The following PREX2 variants were observed in gnomAD, a reference collection of about 807,000 sequenced individuals.
The protein encoded by PREX2 is phosphatidylinositol-3,4,5-trisphosphate dependent Rac exchange factor 2.
In PREX2, 107 loss-of-function variants were observed where a neutral mutation model predicts 203.2. The ratio of observed to expected loss-of-function variants is 0.53; its 90% CI spans 0.45 to 0.62. The LOEUF (loss-of-function observed/expected upper bound fraction) is 0.62, where lower values mean the gene tolerates loss of function less well. Ranked by LOEUF, PREX2 falls within the 20% of genes least tolerant of loss-of-function variation. The probability of loss-of-function intolerance (pLI) is 0.00; values close to 1 mark genes in which losing one functional copy is unlikely to be tolerated. For synonymous variants in PREX2, 672 were observed against 663.6 expected, an observed-to-expected ratio of 1.01 and a Z score of -0.19; for missense variants, 1,777 against 1,955.9, an observed-to-expected ratio of 0.91 and a Z score of 1.72.
chr8:68,069,052 C>A lies in PREX2; in HGVS notation c.1359C>A (p.Phe453Leu), dbSNP rs757634747. 1.3e-6 allele frequency: 2 copies of A among 1,500,348 alleles called. No homozygotes were observed. Among genetic ancestry groups the A allele is most frequent in the South Asian group, 2.6e-5 (2 of 78,066 alleles). 92.9% of individuals were successfully genotyped at this position (1,500,348 alleles called of 1,614,324 possible). A position where few individuals can be genotyped will look rare whatever the true frequency, so the allele number is the denominator to read the frequency against. The change falls in exon 12 of 40, where the codon TTC becomes TTA. Residue 453 changes from phenylalanine to leucine, a missense_variant. By Grantham distance (22) the Phe-to-Leu change is conservative. Coordinates refer to ENST00000288368, the MANE Select transcript of PREX2 (RefSeq NM_024870.4). ...IIHHVTDKHQ[F>L]KPEQMLYRFR... ...TCTTAGTTACTGATAAACATCAATTCAAACCAGAACAGATGTTATATAGAT... is the reference window on the plus strand; with the variant it reads ...TCTTAGTTACTGATAAACATCAATTAAAACCAGAACAGATGTTATATAGAT...
chr8:68,139,404 A>C (rs192510937), intron 33 of PREX2, among the ~76,000 whole-genome samples: 41 of 152,292 alleles, frequency 2.7e-4, no homozygotes, highest in African/African-American at 8.7e-4. Flanking sequence ...GTTGGCCTGC[A>C]TAGGTGGAGT....
intron 30 of PREX2, among the ~76,000 whole-genome samples, chr8:68,125,930 G>A (rs1297556041): frequency 6.6e-6 from 1 of 151,672 alleles, no homozygotes; most frequent in Non-Finnish European, 1.5e-5. Flanking sequence ...AAACCATTAC[G>A]AGATTCATCT....
At chr8:68,231,244 A>T in intron 39 of PREX2, 89 bp from the exon 40 acceptor site, 2 of 908,224 alleles carry the variant, frequency 2.2e-6, no homozygotes, top group Non-Finnish European at 3.1e-6. Flanking sequence ...ACAAGAAATT[A>T]TCATCAATGT....
At chr8:68,161,593 TC>T (rs1811654661) in intron 35 of PREX2, among the ~76,000 whole-genome samples, 1 of 152,148 alleles carries the variant, frequency 6.6e-6, no homozygotes, top group Admixed American at 6.6e-5. Flanking sequence ...CCGCAAACCT[TC>T]TACAGCTTGC....
At position 68,146,263 on chromosome 8, in the gene PREX2, T is replaced by A. The variant is rs1811323825; in HGVS notation, c.4142T>A (p.Phe1381Tyr). Residue 1381 changes from phenylalanine (F) to tyrosine (Y), a missense_variant, in exon 34 of 40, where the codon TTC becomes TAC. Phe to Tyr is a conservative substitution (Grantham distance 22, BLOSUM62 3). Transcript: ENST00000288368. ...EGSRQALKVYFYIDSYHFEQL... is the reference protein window; with the variant it reads ...EGSRQALKVYYYIDSYHFEQL... ...AGTCGGCAAGCTCTGAAAGTTTACTTCTACATTGATAGTTATCATTTTGAA... is the reference window on the plus strand; with the variant it reads ...AGTCGGCAAGCTCTGAAAGTTTACTACTACATTGATAGTTATCATTTTGAA... 6.2e-7 allele frequency: 1 copy of A among 1,612,284 alleles called. No individual in the cohort carries two copies. Among genetic ancestry groups the A allele is most frequent in the African/African-American group, 1.3e-5 (1 of 74,954 alleles).
chr8:67,998,747 G>C (rs1320951974), intron 1 of PREX2, among the ~76,000 whole-genome samples: 1 of 152,182 alleles, frequency 6.6e-6, no homozygotes, highest in Admixed American at 6.5e-5. Context: ...TCCAGCCTGG[G>C]TGACAGATTG....
chr8:67,987,771 G>T (rs1462500663), intron 1 of PREX2, among the ~76,000 whole-genome samples: 2 of 152,166 alleles, frequency 1.3e-5, no homozygotes, highest in Non-Finnish European at 2.9e-5. Context: ...CATCTGTCTA[G>T]GATACCCTCC....
chr8:68,000,859 C>T (rs574765547), intron 1 of PREX2, among the ~76,000 whole-genome samples: 1 of 152,290 alleles, frequency 6.6e-6, no homozygotes, highest in East Asian at 1.9e-4. Context: ...AAAAAACTCC[C>T]TATTCAATAA....
chr8:68,232,436 G>A lies in PREX2; in HGVS notation c.*1058G>A, dbSNP rs1813185834. The A allele has an allele frequency of 6.6e-6, 1 of 152,098 alleles. No homozygotes were observed. Among genetic ancestry groups the A allele is most frequent in the African/African-American group, 2.4e-5 (1 of 41,418 alleles). 9.4% of individuals were successfully genotyped at this position (152,098 alleles called of 1,614,324 possible). A position where few individuals can be genotyped will look rare whatever the true frequency, so the allele number is the denominator to read the frequency against. ...ATTCTATCCTTATTCTAAAGTATAT[G>A]TAATGTTTATCATTTCTACATTGAT... is the stretch of plus-strand genomic sequence containing the variant. On this transcript the variant is annotated 3_prime_UTR_variant, in exon 40 of 40. Coordinates refer to ENST00000288368, the MANE Select transcript of PREX2 (RefSeq NM_024870.4).
chr8:68,080,854 G>A lies in PREX2; in HGVS notation c.1878+16G>A, dbSNP rs368797451. ...TAATGCTGAGGTAATGTAAATTAGC[G>A]TTTTAATTTAAATTTGTTATCATGA... is the stretch of plus-strand genomic sequence containing the variant. On this transcript the variant is annotated intron_variant, in intron 17 of 39. Coordinates refer to ENST00000288368, the MANE Select transcript of PREX2 (RefSeq NM_024870.4). The A allele has an allele frequency of 9.7e-5, 125 of 1,288,288 alleles. No homozygotes were observed. The highest frequency in any genetic ancestry group is 1.2e-4 in the Non-Finnish European group (109 of 901,664). The allele number at this position is 1,288,288 out of a possible 1,614,324, so 79.8% of individuals were successfully genotyped here.
Position 67,962,675 on chromosome 8 carries a change from C to T in PREX2, c.141+10140C>T, listed in dbSNP as rs185951368. ...AGGCTAGAGTGCAGTGGCATGATCTCGGCTCACTGCAACCTCTGCCTCCTG... is the reference window on the plus strand; with the variant it reads ...AGGCTAGAGTGCAGTGGCATGATCTTGGCTCACTGCAACCTCTGCCTCCTG... On this transcript the variant is annotated intron_variant, in intron 1 of 39. Coordinates refer to ENST00000288368, the MANE Select transcript of PREX2 (RefSeq NM_024870.4). 4.8e-3 allele frequency among the ~76,000 whole-genome samples: 730 copies of T among 151,364 alleles called. 5 individuals are homozygous for T. Among genetic ancestry groups the T allele is most frequent in the African/African-American group, 0.011 (470 of 41,278 alleles).
intron 25 of PREX2, among the ~76,000 whole-genome samples, chr8:68,115,079 G>A (rs370408194): frequency 7.8e-6 from 1 of 128,054 alleles, no homozygotes; most frequent in African/African-American, 3.1e-5. Flanking sequence ...CCAGGCTGGA[G>A]TACAATGGCA....
At chr8:68,141,726 AC>A (rs1344140383) in intron 33 of PREX2, among the ~76,000 whole-genome samples, 3 of 152,096 alleles carry the variant, frequency 2.0e-5, no homozygotes, top group Non-Finnish European at 4.4e-5. Context: ...TTTGAAACTC[AC>A]GGGCCCATTC....
At chr8:68,005,681 G>A (rs138672299) in intron 1 of PREX2, among the ~76,000 whole-genome samples, 54 of 152,278 alleles carry the variant, frequency 3.5e-4, no homozygotes, top group African/African-American at 1.2e-3. Flanking sequence ...CTGAAGTGAT[G>A]TGTCTTCTAA....
Position 68,108,143 on chromosome 8 carries a change from CT to C in PREX2, c.2754del (p.Phe918LeufsTer25). ...SRVLKNRAWP[T>X]FKQAKSKISP... ...GTACTGAAGAATAGGGCCTGGCCTACTTTTAAACAGGCCAAATCTAAAATCT... is the reference window on the plus strand; with the variant it reads ...GTACTGAAGAATAGGGCCTGGCCTACTTTAAACAGGCCAAATCTAAAATCT... On this transcript the variant is annotated frameshift_variant, in exon 24 of 40. Coordinates refer to ENST00000288368, the MANE Select transcript of PREX2 (RefSeq NM_024870.4). LOFTEE classifies it high-confidence loss of function. 6.2e-7 allele frequency: 1 copy of C among 1,613,824 alleles called. No individual in the cohort carries two copies. Among genetic ancestry groups the C allele is most frequent in the Non-Finnish European group, 8.5e-7 (1 of 1,179,854 alleles).
chr8:67,971,901 G>C (rs778578632), intron 1 of PREX2, among the ~76,000 whole-genome samples: 1 of 152,218 alleles, frequency 6.6e-6, no homozygotes, highest in Non-Finnish European at 1.5e-5. Flanking sequence ...GGATGTTGTA[G>C]AAATTAATAT....
chr8:68,153,244 A>G (rs545422713), intron 34 of PREX2, among the ~76,000 whole-genome samples: 1 of 152,358 alleles, frequency 6.6e-6, no homozygotes, highest in East Asian at 1.9e-4. Flanking sequence ...GTGTGCTATC[A>G]AAAGAGAATG....
At chr8:67,998,385 T>C (rs969311385) in intron 1 of PREX2, among the ~76,000 whole-genome samples, 1 of 152,256 alleles carries the variant, frequency 6.6e-6, no homozygotes, top group Non-Finnish European at 1.5e-5. Flanking sequence ...TTCAGCGTGC[T>C]TTAGCACTTG....
chr8:68,191,061 C>T (rs748254460), intron 35 of PREX2, among the ~76,000 whole-genome samples: 10 of 151,868 alleles, frequency 6.6e-5, no homozygotes, highest in Non-Finnish European at 1.2e-4. Context: ...TGCAGTGTGT[C>T]CTTTGTTTTT....
Sources: allele counts gnomAD v4.1 joint callset (sites outside exome capture counted in the v4.1 genomes callset), GRCh38; gene constraint gnomAD v4.1.1; transcripts MANE v1.5; gene names NCBI Gene and HGNC (gene_info 2026-07-23, HGNC 2026-07-21).